Variants in SEMA5A observed in about 807,000 individuals in gnomAD.
The protein encoded by SEMA5A is semaphorin-5A.
Under a neutral mutation model 135.5 loss-of-function variants are expected in SEMA5A, and 55 were observed. The ratio of observed to expected loss-of-function variants is 0.41; its 90% CI spans 0.33 to 0.51. SEMA5A has a LOEUF of 0.51. Ranked by LOEUF, SEMA5A falls within the 20% of genes least tolerant of loss-of-function variation. SEMA5A has a pLI of 0.37. For missense variants in SEMA5A, 1,290 were observed against 1,419.9 expected, an observed-to-expected ratio of 0.91 and a Z score of 1.47; for synonymous variants, 580 against 546.5, an observed-to-expected ratio of 1.06 and a Z score of -0.85.
intron 13 of SEMA5A, among the ~76,000 whole-genome samples, chr5:9,127,748 A>G (rs1015809388): frequency 6.6e-6 from 1 of 152,228 alleles, no homozygotes; most frequent in African/African-American, 2.4e-5. Flanking sequence ...AATTTGAGGC[A>G]AAGAAGAGCT....
chr5:9,312,908 T>A (rs933044711), intron 5 of SEMA5A, among the ~76,000 whole-genome samples: 3 of 152,160 alleles, frequency 2.0e-5, no homozygotes, highest in African/African-American at 4.8e-5. Flanking sequence ...TCAGTATGGT[T>A]CTACAGAGCT....
chr5:9,222,091 C>T (rs1032162576), intron 8 of SEMA5A, among the ~76,000 whole-genome samples: 3 of 152,106 alleles, frequency 2.0e-5, no homozygotes, highest in African/African-American at 4.8e-5. Flanking sequence ...TCAGTGCAGG[C>T]GGGCAGGAGT....
At chr5:9,350,747 G>A (rs2696370) in intron 3 of SEMA5A, among the ~76,000 whole-genome samples, 100,241 of 151,610 alleles carry the variant, frequency 0.66, 34,017 homozygotes, top group South Asian at 0.76. Context: ...TGACTGCACC[G>A]GGAGAGAACA....
At position 9,063,059 on chromosome 5, in the gene SEMA5A, C is replaced by G. The variant is rs372886222; in HGVS notation, c.2346G>C (p.Thr782=). ...FLRAGRYSAH[T]VNGAWSAWTS... ...TCCAGGCTGACCAAGCCCCGTTGACCGTGTGGGCAGAGTATCTCCCAGCAC... is the reference window on the plus strand; with the variant it reads ...TCCAGGCTGACCAAGCCCCGTTGACGGTGTGGGCAGAGTATCTCCCAGCAC... The change falls in exon 18 of 23, where the codon ACG becomes ACC. Residue 782 remains threonine, a synonymous_variant. Transcript: ENST00000382496. 3.1e-6 allele frequency: 5 copies of G among 1,614,164 alleles called. No individual in the cohort carries two copies. In the Admixed American group the frequency reaches 6.7e-5, roughly 22 times the overall value.
chr5:9,229,464 C>T (rs757363227), intron 6 of SEMA5A, among the ~76,000 whole-genome samples: 1 of 151,944 alleles, frequency 6.6e-6, no homozygotes, highest in Non-Finnish European at 1.5e-5. Flanking sequence ...TAGAGGGGTA[C>T]GGGAGCCTAT....
At chr5:9,360,182 G>A (rs563504685) in intron 3 of SEMA5A, among the ~76,000 whole-genome samples, 1 of 152,264 alleles carries the variant, frequency 6.6e-6, no homozygotes, top group African/African-American at 2.4e-5. Flanking sequence ...CATCTGTACT[G>A]TTAGTAAATT....
chr5:9,147,676 T>G (rs189082377), intron 12 of SEMA5A, among the ~76,000 whole-genome samples: 17 of 151,066 alleles, frequency 1.1e-4, no homozygotes, highest in African/African-American at 4.1e-4. Context: ...GTTCCCAGAT[T>G]TTCTCTCCTT....
chr5:9,525,397 C>T (rs1737068660), intron 1 of SEMA5A, among the ~76,000 whole-genome samples: 2 of 152,240 alleles, frequency 1.3e-5, no homozygotes, highest in African/African-American at 4.8e-5. Context: ...GGAATCCTTA[C>T]TAGTGTGTCC....
intron 15 of SEMA5A, among the ~76,000 whole-genome samples, chr5:9,114,040 A>T (rs1237191629): frequency 6.6e-6 from 1 of 152,232 alleles, no homozygotes. Flanking sequence ...AAATATTGAA[A>T]ATATACCAAG....
At chr5:9,156,343 A>G (rs1742953959) in intron 11 of SEMA5A, among the ~76,000 whole-genome samples, 2 of 152,194 alleles carry the variant, frequency 1.3e-5, no homozygotes, top group Non-Finnish European at 2.9e-5. Flanking sequence ...ACACAGCACC[A>G]AGGAACTAAC....
chr5:9,508,002 T>TG (rs1195115934), intron 1 of SEMA5A, among the ~76,000 whole-genome samples: 4 of 14,470 alleles, frequency 2.8e-4, no homozygotes, highest in African/African-American at 1.0e-3. Context: ...AGACTCTGTC[T>TG]CAAAAAAAAA....
Position 9,038,661 on chromosome 5 carries a change from C to T in SEMA5A, c.*4236G>A, listed in dbSNP as rs1474509050. 1 of 151,598 alleles carries T rather than the reference C, an allele frequency of 6.6e-6. No individual in the cohort carries two copies. Among genetic ancestry groups the T allele is most frequent in the Non-Finnish European group, 1.5e-5 (1 of 67,958 alleles). The allele number at this position is 151,598 out of a possible 1,614,324, so 9.4% of individuals were successfully genotyped here. The stretch of plus-strand genomic sequence containing the variant: ...TTAAGGTAAAATTCCCTTTGATATT[C>T]AATTATACGCTAATGGATCCCCTTA... On this transcript the variant is annotated 3_prime_UTR_variant, in exon 23 of 23. Transcript: ENST00000382496.
chr5:9,537,031 A>G (rs1335327949), intron 1 of SEMA5A, among the ~76,000 whole-genome samples: 4 of 152,164 alleles, frequency 2.6e-5, no homozygotes, highest in Admixed American at 6.5e-5. Flanking sequence ...TCCAAAATCA[A>G]TATTAGAGGC....
At chr5:9,320,111 C>G (rs1212655538) in intron 4 of SEMA5A, among the ~76,000 whole-genome samples, 2 of 152,190 alleles carry the variant, frequency 1.3e-5, no homozygotes. Context: ...TGCCTCCTCA[C>G]ATGGGGGTAC....
intron 11 of SEMA5A, among the ~76,000 whole-genome samples, chr5:9,183,370 T>G (rs1200880543): frequency 6.6e-6 from 1 of 152,180 alleles, no homozygotes; most frequent in African/African-American, 2.4e-5. Context: ...CCTCCTGCAC[T>G]TCTGGGCTGC....
intron 3 of SEMA5A, among the ~76,000 whole-genome samples, chr5:9,339,701 G>A (rs1753559659): frequency 6.6e-6 from 1 of 152,148 alleles, no homozygotes; most frequent in Non-Finnish European, 1.5e-5. Flanking sequence ...ACAAACTGTA[G>A]AAAAATTCAC....
intron 18 of SEMA5A, among the ~76,000 whole-genome samples, chr5:9,054,998 T>C (rs1254187427): frequency 6.6e-6 from 1 of 152,164 alleles, no homozygotes; most frequent in African/African-American, 2.4e-5. Context: ...CCATGACAGC[T>C]CACAACCCAG....
At chr5:9,489,633 AT>A (rs774455065) in intron 1 of SEMA5A, among the ~76,000 whole-genome samples, 7 of 152,344 alleles carry the variant, frequency 4.6e-5, no homozygotes, top group Middle Eastern at 6.8e-3. Context: ...CAAATAGAAT[AT>A]TTTTAAGTGA....
At chr5:9,299,758 T>C (rs1323871382) in intron 5 of SEMA5A, among the ~76,000 whole-genome samples, 1 of 152,136 alleles carries the variant, frequency 6.6e-6, no homozygotes, top group Non-Finnish European at 1.5e-5. Flanking sequence ...AACTCTAAAA[T>C]GCCAAAGAAT....
Sources: allele counts gnomAD v4.1 joint callset (sites outside exome capture counted in the v4.1 genomes callset), GRCh38; gene constraint gnomAD v4.1.1; transcripts MANE v1.5; gene names NCBI Gene and HGNC (gene_info 2026-07-23, HGNC 2026-07-21).